The following TSHR variants were observed in gnomAD, a reference collection of about 807,000 sequenced individuals.
TSHR encodes thyroid stimulating hormone receptor.
Under a neutral mutation model 64.1 loss-of-function variants are expected in TSHR, and 51 were observed. That is an observed-to-expected ratio of 0.80 (90% CI 0.64 to 1.01). TSHR has a LOEUF of 1.01. TSHR is among the 50% of genes least tolerant of loss of function. The pLI is 0.00. For missense variants in TSHR, 877 were observed against 942.8 expected, an observed-to-expected ratio of 0.93 and a Z score of 0.91; for synonymous variants, 361 against 361.9, an observed-to-expected ratio of 1.00 and a Z score of 0.03.
intron 1 of TSHR, among the ~76,000 whole-genome samples, chr14:81,030,131 C>A (rs1484917940): frequency 6.6e-6 from 1 of 152,066 alleles, no homozygotes; most frequent in Non-Finnish European, 1.5e-5. Context: ...GTGGCTGATA[C>A]AATATTGGTA....
chr14:81,115,533 A>G (rs1015442331), intron 8 of TSHR, among the ~76,000 whole-genome samples: 4 of 148,894 alleles, frequency 2.7e-5, no homozygotes, highest in South Asian at 2.2e-4. Context: ...GACTATGTGA[A>G]AAGACCAAAT....
chr14:81,022,884 C>T (rs538713313), intron 1 of TSHR, among the ~76,000 whole-genome samples: 22 of 152,192 alleles, frequency 1.4e-4, no homozygotes, highest in African/African-American at 5.1e-4. Flanking sequence ...GTGGAGCGCT[C>T]ATTAATGAGC....
At chr14:80,996,203 C>T (rs1233191531) in intron 1 of TSHR, among the ~76,000 whole-genome samples, 1 of 152,068 alleles carries the variant, frequency 6.6e-6, no homozygotes, top group East Asian at 1.9e-4. Context: ...TGAGCCGTAA[C>T]CGGATCAATC....
At chr14:80,961,237 CT>C (rs1887011031) in intron 1 of TSHR, among the ~76,000 whole-genome samples, 1 of 152,146 alleles carries the variant, frequency 6.6e-6, no homozygotes, top group African/African-American at 2.4e-5. Flanking sequence ...GTGTCACACT[CT>C]GGACTTAATG....
At chr14:80,982,684 C>A in intron 1 of TSHR, 2 of 1,010,044 alleles carry the variant, frequency 2.0e-6, no homozygotes, top group Non-Finnish European at 2.7e-6. Context: ...CAGCAGTATT[C>A]GGATTAGATC....
At position 81,142,967 on chromosome 14, in the gene TSHR, G is replaced by C. The variant is rs780949533; in HGVS notation, c.909G>C (p.Glu303Asp). ...RGILESLMCN[E>D]SSMQSLRQRK... Reference sequence around the variant, plus strand: ...TCCTTGAGTCCTTGATGTGTAATGAGAGCAGTATGCAGAGCTTGCGCCAGA... The same window carrying C: ...TCCTTGAGTCCTTGATGTGTAATGACAGCAGTATGCAGAGCTTGCGCCAGA... Residue 303 changes from glutamate (E) to aspartate (D), a missense_variant, in exon 10 of 10, where the codon GAG (glutamate) becomes GAC (aspartate). By Grantham distance (45) the Glu-to-Asp change is conservative. Coordinates refer to ENST00000298171, the MANE Select transcript of TSHR (RefSeq NM_000369.5). 4 of 1,614,046 alleles carry C rather than the reference G, an allele frequency of 2.5e-6. No individual in the cohort carries two copies. The highest frequency in any genetic ancestry group is 3.4e-6 in the Non-Finnish European group (4 of 1,180,036).
intron 1 of TSHR, among the ~76,000 whole-genome samples, chr14:81,035,523 A>G (rs182838999): frequency 1.2e-4 from 18 of 152,312 alleles, no homozygotes; most frequent in Non-Finnish European, 2.1e-4. Flanking sequence ...GCCATGTAAC[A>G]GCATACTTTT....
chr14:81,015,599 T>C (rs934634065), intron 1 of TSHR, among the ~76,000 whole-genome samples: 2 of 152,192 alleles, frequency 1.3e-5, no homozygotes, highest in African/African-American at 2.4e-5. Flanking sequence ...AATTTACATA[T>C]GCATTACCTT....
intron 6 of TSHR, 105 bp from the exon 7 acceptor site, chr14:81,096,534 T>C: frequency 8.6e-7 from 1 of 1,166,500 alleles, no homozygotes; most frequent in Non-Finnish European, 1.3e-6. Context: ...CTGAAAAACC[T>C]TTATGTACAT....
At chr14:81,085,032 G>A (rs753866063) in intron 3 of TSHR, among the ~76,000 whole-genome samples, 2 of 152,178 alleles carry the variant, frequency 1.3e-5, no homozygotes, top group African/African-American at 2.4e-5. Flanking sequence ...CACAATCTCA[G>A]CTCACTGCAA....
At chr14:81,088,138 T>TGGTGTATAG in intron 4 of TSHR, 110 bp downstream of exon 4, 1 of 902,738 alleles carries the variant, frequency 1.1e-6, no homozygotes, top group Non-Finnish European at 1.8e-6. Context: ...TTCATTTTAA[T>TGGTGTATAG]GGTGTATAGC....
chr14:81,076,445 C>T (rs1887509149), intron 3 of TSHR, among the ~76,000 whole-genome samples: 1 of 152,104 alleles, frequency 6.6e-6, no homozygotes, highest in Non-Finnish European at 1.5e-5. Context: ...TTGGTATATA[C>T]CTATTGGTCT....
At chr14:80,986,544 T>A (rs1173247611) in intron 1 of TSHR, among the ~76,000 whole-genome samples, 3 of 152,168 alleles carry the variant, frequency 2.0e-5, no homozygotes, top group Non-Finnish European at 4.4e-5. Context: ...TGGAGTGTAA[T>A]GGCGCAGTCT....
chr14:80,977,088 C>T (rs1378670966), intron 1 of TSHR, among the ~76,000 whole-genome samples: 1 of 152,168 alleles, frequency 6.6e-6, no homozygotes, highest in African/African-American at 2.4e-5. Flanking sequence ...CCAGAGGATC[C>T]CATGGTCACA....
intron 8 of TSHR, among the ~76,000 whole-genome samples, chr14:81,120,500 A>C (rs1890745881): frequency 6.6e-6 from 1 of 152,182 alleles, no homozygotes; most frequent in Non-Finnish European, 1.5e-5. Context: ...TGTTTATAGA[A>C]ACACAACTGA....
intron 1 of TSHR, among the ~76,000 whole-genome samples, chr14:81,018,732 A>C (rs967066353): frequency 5.3e-5 from 8 of 152,220 alleles, no homozygotes; most frequent in African/African-American, 1.9e-4. Flanking sequence ...TCCTGAACAT[A>C]GCACTCAAGC....
chr14:80,979,450 T>C (rs1888058494), intron 1 of TSHR, among the ~76,000 whole-genome samples: 1 of 152,210 alleles, frequency 6.6e-6, no homozygotes, highest in Non-Finnish European at 1.5e-5. Flanking sequence ...TCTGATGTTC[T>C]ATTGCACAGT....
Position 81,143,900 on chromosome 14 carries a change from C to T in TSHR, c.1842C>T (p.Asn614=), listed in dbSNP as rs2140112879. The stretch of plus-strand genomic sequence containing the variant: ...TCACAGTCCGAAATCCGCAGTACAA[C>T]CCAGGGGACAAAGATACCAAAATTG... ...IYITVRNPQY[N]PGDKDTKIAK... The change falls in exon 10 of 10, where the codon AAC becomes AAT. Residue 614 remains asparagine, a synonymous_variant. Coordinates refer to ENST00000298171, the MANE Select transcript of TSHR (RefSeq NM_000369.5). 4 of 1,614,164 alleles carry T rather than the reference C, an allele frequency of 2.5e-6. No individual in the cohort carries two copies. Among genetic ancestry groups the T allele is most frequent in the Non-Finnish European group, 2.5e-6 (3 of 1,180,042 alleles).
chr14:81,140,849 G>T (rs1162116146), intron 9 of TSHR, among the ~76,000 whole-genome samples: 2 of 152,206 alleles, frequency 1.3e-5, no homozygotes, highest in Admixed American at 1.3e-4. Context: ...GCCGGGCACA[G>T]TGGCTCACGC....
Sources: gnomAD v4.1 joint callset for allele counts (sites outside exome capture counted in the v4.1 genomes callset) on GRCh38, gnomAD v4.1.1 for gene constraint, MANE v1.5 for transcripts, NCBI Gene and HGNC (gene_info 2026-07-23, HGNC 2026-07-21) for gene names.